Variants in TM7SF3 observed in about 807,000 individuals in gnomAD.
TM7SF3 encodes the protein seven span transmembrane protein.
TM7SF3 carries 60 observed loss-of-function variants against 65.5 expected under a neutral mutation model. The ratio of observed to expected loss-of-function variants is 0.92; its 90% CI spans 0.74 to 1.14. The LOEUF (loss-of-function observed/expected upper bound fraction) is 1.14, where lower values mean the gene tolerates loss of function less well. TM7SF3 is among the 50% of genes most tolerant of loss of function. The pLI, the probability that TM7SF3 is intolerant of heterozygous loss-of-function variation, is 0.00. For synonymous variants in TM7SF3, 264 were observed against 259.6 expected, an observed-to-expected ratio of 1.02 and a Z score of -0.16; for missense variants, 623 against 684.8, an observed-to-expected ratio of 0.91 and a Z score of 1.01.
At chr12:26,980,179 T>C in intron 8 of TM7SF3, 1 of 577,856 alleles carries the variant, frequency 1.7e-6, no homozygotes, top group South Asian at 2.2e-5. Context: ...GGCTTGTCAA[T>C]AAATTGGGAT....
rs146798947 is a variant in TM7SF3 at position 27,001,460 on chromosome 12, T to C, written c.246+1776A>G. The stretch of plus-strand genomic sequence containing the variant: ...ACCATATGGAAACCAAACACAGGGG[T>C]TCCTAACTGGGGGCCTGAGAGTCTG... On this transcript the variant is annotated intron_variant, in intron 2 of 11. Transcript: ENST00000343028. Among the ~76,000 whole-genome samples the C allele has an allele frequency of 9.0e-3, 1,372 of 152,050 alleles. 6 individuals are homozygous for C. The highest frequency in any genetic ancestry group is 0.014 in the Non-Finnish European group (923 of 67,968).
At position 26,975,675 on chromosome 12, in the gene TM7SF3, G is replaced by C. The variant is rs1274216957; in HGVS notation, c.1288-17C>G. The C allele has an allele frequency of 6.2e-7, 1 of 1,613,224 alleles. No homozygotes were observed. The highest frequency in any genetic ancestry group is 1.7e-5 in the Admixed American group (1 of 59,896). On this transcript the variant is annotated splice_polypyrimidine_tract_variant and intron_variant, in intron 10 of 11. Transcript: ENST00000343028. The stretch of plus-strand genomic sequence containing the variant: ...TATGTTCAGCTGTGGAAGAGTGGAA[G>C]AGTTTAGGCATCATCCATGTTAGAA...
intron 7 of TM7SF3, among the ~76,000 whole-genome samples, chr12:26,981,286 A>G (rs569555356): frequency 5.9e-5 from 9 of 152,334 alleles, no homozygotes; most frequent in Admixed American, 1.3e-4. Context: ...TAATACTTGT[A>G]CTGTATCTCA....
At chr12:26,985,652 A>AT (rs1439736086) in intron 6 of TM7SF3, among the ~76,000 whole-genome samples, 3 of 39,106 alleles carry the variant, frequency 7.7e-5, no homozygotes, top group Non-Finnish European at 1.3e-4. Flanking sequence ...AAAAAAAAAA[A>AT]ATATATATAT....
rs1941360354 is a variant in TM7SF3, at chr12:27,014,273, G to T, written c.-105C>A. 3 of 1,042,308 alleles carry T rather than the reference G, an allele frequency of 2.9e-6. No individual in the cohort carries two copies. The South Asian group carries it at 5.6e-5, about 19-fold the overall frequency. 64.6% of individuals were successfully genotyped at this position (1,042,308 alleles called of 1,614,324 possible). On this transcript the variant is annotated 5_prime_UTR_variant, in exon 1 of 12. Transcript: ENST00000343028. ...CACGCTATCCCGGGGCGCCCGCATC[G>T]GGCGCCATCGCCCGCCAGGTGCAGA...
chr12:26,999,030 G>A (rs936144590), intron 3 of TM7SF3, among the ~76,000 whole-genome samples: 1 of 152,136 alleles, frequency 6.6e-6, no homozygotes. Flanking sequence ...AATGTTTTTC[G>A]AATGAATAAA....
chr12:26,977,103 C>T (rs1939599777), intron 9 of TM7SF3, among the ~76,000 whole-genome samples: 1 of 152,240 alleles, frequency 6.6e-6, no homozygotes, highest in African/African-American at 2.4e-5. Flanking sequence ...TAAATGGCCC[C>T]ATACCTCAAG....
chr12:27,014,107 G>C lies in TM7SF3; in HGVS notation c.62C>G (p.Ala21Gly), dbSNP rs1052018337. Residue 21 changes from alanine to glycine, a missense_variant, in exon 1 of 12, where the codon GCA becomes GGA. Coordinates refer to ENST00000343028, the MANE Select transcript of TM7SF3 (RefSeq NM_016551.3). ...VLASEHRVAG[A>G]AEVFGNSSEG... ...GCTGGAATTCCCGAAGACCTCGGCT[G>C]CACCAGCCACCCGGTGTTCGGATGC... The C allele has an allele frequency of 1.3e-6, 2 of 1,572,950 alleles. No homozygotes were observed. The highest frequency in any genetic ancestry group is 1.2e-5 in the South Asian group (1 of 85,666).
At chr12:26,991,315 G>C (rs956133209) in intron 5 of TM7SF3, among the ~76,000 whole-genome samples, 1 of 151,070 alleles carries the variant, frequency 6.6e-6, no homozygotes, top group Non-Finnish European at 1.5e-5. Flanking sequence ...ACCGCGCCCG[G>C]CTAATTTTTT....
chr12:26,994,538 G>A (rs915234259), intron 5 of TM7SF3, among the ~76,000 whole-genome samples: 3 of 152,170 alleles, frequency 2.0e-5, no homozygotes, highest in Non-Finnish European at 2.9e-5. Context: ...GTAGAGACAC[G>A]GTTTCACCAT....
intron 9 of TM7SF3, among the ~76,000 whole-genome samples, chr12:26,976,772 C>T (rs2136375702): frequency 6.6e-6 from 1 of 152,242 alleles, no homozygotes; most frequent in Non-Finnish European, 1.5e-5. Flanking sequence ...ATAAAAAATA[C>T]AAGTAAAAGG....
At chr12:27,002,296 C>T (rs1940863477) in intron 2 of TM7SF3, among the ~76,000 whole-genome samples, 1 of 129,412 alleles carries the variant, frequency 7.7e-6, no homozygotes, top group African/African-American at 3.2e-5. Context: ...AACCCCATCT[C>T]TACAAAAAAA....
chr12:26,988,675 TG>T (rs1455119905), intron 6 of TM7SF3, among the ~76,000 whole-genome samples: 2 of 44,716 alleles, frequency 4.5e-5, no homozygotes, highest in African/African-American at 1.3e-4. Flanking sequence ...AAGAAAATTG[TG>T]TGTGTGTGTG....
intron 5 of TM7SF3, among the ~76,000 whole-genome samples, chr12:26,994,767 C>T (rs2136422239): frequency 6.6e-6 from 1 of 152,340 alleles, no homozygotes; most frequent in Admixed American, 6.5e-5. Flanking sequence ...TGGTCCACAC[C>T]TGGGGAGCAA....
chr12:26,994,376 T>C (rs1037352772), intron 5 of TM7SF3, among the ~76,000 whole-genome samples: 1 of 152,194 alleles, frequency 6.6e-6, no homozygotes, highest in Non-Finnish European at 1.5e-5. Flanking sequence ...TTAATATGCA[T>C]AAAAATCACC....
chr12:26,992,267 TTTTTTA>T (rs1210964457), intron 5 of TM7SF3, among the ~76,000 whole-genome samples: 1 of 151,860 alleles, frequency 6.6e-6, no homozygotes, highest in Non-Finnish European at 1.5e-5. Context: ...GCTATTTTAT[TTTTTTA>T]TTATTATTAT....
In TM7SF3 at chr12:27,000,739, G is replaced by A. The variant is rs191243523; in HGVS notation, c.247-1063C>T. ...CTCCCAAAGTGCTGGGATTACAGGC[G>A]TGAGCCACCGTGCCCGGCCCATAAA... On this transcript the variant is annotated intron_variant, in intron 2 of 11. Coordinates refer to ENST00000343028, the MANE Select transcript of TM7SF3 (RefSeq NM_016551.3). 2.1e-4 allele frequency among the ~76,000 whole-genome samples: 32 copies of A among 152,214 alleles called. No homozygotes were observed. The East Asian group carries it at 4.1e-3, about 19-fold the overall frequency.
intron 9 of TM7SF3, among the ~76,000 whole-genome samples, chr12:26,977,041 T>C (rs934371256): frequency 6.6e-6 from 1 of 152,216 alleles, no homozygotes; most frequent in African/African-American, 2.4e-5. Flanking sequence ...AAAGCAAGAA[T>C]AGGCTGACTG....
intron 7 of TM7SF3, among the ~76,000 whole-genome samples, chr12:26,981,740 T>G (rs1055099736): frequency 2.6e-5 from 4 of 152,220 alleles, no homozygotes; most frequent in Non-Finnish European, 5.9e-5. Context: ...GCTACCTTGA[T>G]GCTCAGTTAT....
Sources: gnomAD v4.1 joint callset for allele counts (sites outside exome capture counted in the v4.1 genomes callset) on GRCh38, gnomAD v4.1.1 for gene constraint, MANE v1.5 for transcripts, NCBI Gene and HGNC (gene_info 2026-07-23, HGNC 2026-07-21) for gene names.